Variants in TMBIM1 observed in about 807,000 individuals in gnomAD.
TMBIM1 encodes the protein transmembrane BAX inhibitor motif containing 1.
Under a neutral mutation model 45.1 loss-of-function variants are expected in TMBIM1, and 34 were observed. The ratio of observed to expected loss-of-function variants is 0.75; its 90% CI spans 0.57 to 1.00. The LOEUF (loss-of-function observed/expected upper bound fraction) is 1.00, where lower values mean the gene tolerates loss of function less well. TMBIM1 is among the 50% of genes least tolerant of loss of function. The pLI, the probability that TMBIM1 is intolerant of heterozygous loss-of-function variation, is 0.00. For synonymous variants in TMBIM1, 157 were observed against 153.5 expected (o/e 1.02, Z -0.17); for missense variants, 374 against 402.4 (o/e 0.93, Z 0.60).
At chr2:218,283,429 T>C (rs1037718975) in intron 1 of TMBIM1, among the ~76,000 whole-genome samples, 5 of 152,106 alleles carry the variant, frequency 3.3e-5, no homozygotes, top group African/African-American at 1.2e-4. Flanking sequence ...CCCTCTGAGG[T>C]AGCAGAGATG....
intron 1 of TMBIM1, among the ~76,000 whole-genome samples, chr2:218,290,709 T>G (rs1692877596): frequency 6.6e-6 from 1 of 152,236 alleles, no homozygotes; most frequent in South Asian, 2.1e-4. Context: ...AATATCTCCC[T>G]TCCCACCAAT....
rs1407147911 is a variant in TMBIM1 at position 218,274,527 on chromosome 2, GT to G, written c.*947del. 1.3e-5 allele frequency: 2 copies of G among 154,746 alleles called. No individual in the cohort carries two copies. Among genetic ancestry groups the G allele is most frequent in the African/African-American group, 4.8e-5 (2 of 41,626 alleles). The allele number at this position is 154,746 out of a possible 1,614,324, so 9.6% of individuals were successfully genotyped here. On this transcript the variant is annotated 3_prime_UTR_variant, in exon 12 of 12. Coordinates refer to ENST00000258412, the MANE Select transcript of TMBIM1 (RefSeq NM_022152.6). The stretch of plus-strand genomic sequence containing the variant: ...GAACCCAGAAGTCTTCAGTACCACA[GT>G]AGGCTTCGGTATCTCCCTAGCCAGG...
intron 4 of TMBIM1, 92 bp downstream of exon 4, chr2:218,279,197 C>T (rs1359606383): frequency 6.4e-7 from 1 of 1,571,348 alleles, no homozygotes; most frequent in Non-Finnish European, 8.7e-7. Context: ...CATGGTCACC[C>T]TGAGAGCAGG....
At chr2:218,284,417 C>G (rs985899949) in intron 1 of TMBIM1, among the ~76,000 whole-genome samples, 1 of 152,228 alleles carries the variant, frequency 6.6e-6, no homozygotes, top group African/African-American at 2.4e-5. Context: ...GCAGGGCAAA[C>G]AGCTAACTTT....
At chr2:218,281,877 G>A (rs959887822) in intron 2 of TMBIM1, 63 bp downstream of exon 2, 3 of 1,294,872 alleles carry the variant, frequency 2.3e-6, no homozygotes, top group African/African-American at 3.0e-5. Flanking sequence ...AGGAGGCGGT[G>A]GCCTCATCTG....
intron 1 of TMBIM1, among the ~76,000 whole-genome samples, chr2:218,291,017 T>A (rs962735641): frequency 6.6e-6 from 1 of 152,204 alleles, no homozygotes; most frequent in African/African-American, 2.4e-5. Flanking sequence ...CTGCTTTTTC[T>A]GAAAGGCCCA....
rs1175791411 is a variant in TMBIM1, at chr2:218,277,681, G to A, written c.514-11C>T. On this transcript the variant is annotated splice_polypyrimidine_tract_variant and intron_variant, in intron 7 of 11. Transcript: ENST00000258412. Reference sequence around the variant, plus strand: ...GCCCATGGCAAAAGTCTAAGGGAAGGAGAGAGACAAGAATGAAACACTTAA... The same window carrying A: ...GCCCATGGCAAAAGTCTAAGGGAAGAAGAGAGACAAGAATGAAACACTTAA... 6.8e-6 allele frequency: 11 copies of A among 1,614,150 alleles called. No individual in the cohort carries two copies. Among genetic ancestry groups the A allele is most frequent in the Non-Finnish European group, 9.3e-6 (11 of 1,180,008 alleles).
intron 5 of TMBIM1, among the ~76,000 whole-genome samples, 157 bp downstream of exon 5, chr2:218,278,881 G>C: frequency 6.6e-6 from 1 of 152,168 alleles, no homozygotes; most frequent in East Asian, 1.9e-4. Context: ...TACTCATCTG[G>C]GCACGCACAC....
chr2:218,282,922 G>T (rs142238766), intron 1 of TMBIM1, among the ~76,000 whole-genome samples: 1 of 152,176 alleles, frequency 6.6e-6, no homozygotes, highest in Non-Finnish European at 1.5e-5. Flanking sequence ...AAAGGCATGC[G>T]GCAGCCTGCG....
At chr2:218,290,055 G>C (rs1001299952) in intron 1 of TMBIM1, 5 of 152,198 alleles carry the variant, frequency 3.3e-5, no homozygotes, top group Admixed American at 2.6e-4. Flanking sequence ...GGGGAAAGGA[G>C]TAGGGACTTG....
At position 218,281,648 on chromosome 2, in the gene TMBIM1, A is replaced by G. The variant is rs575335877; in HGVS notation, c.202+292T>C. On this transcript the variant is annotated intron_variant, in intron 2 of 11. Transcript: ENST00000258412. ...GGAAACAGAGCTGGTGCCCTGAGGT[A>G]ACCCCTCAGGAGTCATTACTTGGCC... Among the ~76,000 whole-genome samples, 5 of 152,274 alleles carry G rather than the reference A, an allele frequency of 3.3e-5. No homozygotes were observed. The South Asian group carries it at 8.3e-4, about 25-fold the overall frequency.
chr2:218,283,674 C>T (rs1447305357), intron 1 of TMBIM1, among the ~76,000 whole-genome samples: 3 of 152,098 alleles, frequency 2.0e-5, no homozygotes, highest in Admixed American at 2.0e-4. Flanking sequence ...TTGCATAGTT[C>T]GGGGATCAAA....
At chr2:218,278,671 G>A in intron 5 of TMBIM1, 106 bp from the exon 6 acceptor site, 4 of 1,264,058 alleles carry the variant, frequency 3.2e-6, no homozygotes, top group Admixed American at 1.8e-5. Flanking sequence ...GGAAGTCTGA[G>A]GGGAAGCAAC....
intron 1 of TMBIM1, among the ~76,000 whole-genome samples, chr2:218,290,457 G>A (rs761504381): frequency 2.0e-5 from 3 of 152,160 alleles, no homozygotes; most frequent in Non-Finnish European, 4.4e-5. Context: ...GCCCCTCAGA[G>A]CAGTCACATG....
chr2:218,289,919 T>C, intron 1 of TMBIM1: 1 of 152,130 alleles, frequency 6.6e-6, no homozygotes. Flanking sequence ...CTAAACAGTA[T>C]ATAACACTCT....
At chr2:218,277,336 G>A (rs756685316) in intron 9 of TMBIM1, 30 bp downstream of exon 9, 7 of 1,604,332 alleles carry the variant, frequency 4.4e-6, no homozygotes, top group Non-Finnish European at 6.0e-6. Context: ...GGGAGTCGGG[G>A]GGCCAGGGAA....
At chr2:218,280,341 G>A (rs78376547) in intron 2 of TMBIM1, 5 of 505,772 alleles carry the variant, frequency 9.9e-6, no homozygotes, top group Admixed American at 3.3e-5. Context: ...CGTTCCTCAC[G>A]TGCATCTGTG....
rs751644446 is a variant in TMBIM1, at chr2:218,281,947, C to G, written c.195G>C (p.Met65Ile). Reference protein sequence around the residue: ...QPMPPTHPMPMNYGPGHGYDG... With the variant: ...QPMPPTHPMPINYGPGHGYDG... ...TGCCCTTCCAGGACTCACCGTAGTT[C>G]ATGGGCATCGGGTGGGTGGGGGGCA... Residue 65 changes from methionine to isoleucine, a missense_variant, in exon 2 of 12, where the codon ATG (methionine) becomes ATC (isoleucine). By Grantham distance (10) the Met-to-Ile change is conservative (BLOSUM62 1). Coordinates refer to ENST00000258412, the MANE Select transcript of TMBIM1 (RefSeq NM_022152.6). 6 of 1,596,714 alleles carry G rather than the reference C, an allele frequency of 3.8e-6. No homozygotes were observed. The South Asian group carries it at 6.9e-5, about 18-fold the overall frequency.
intron 1 of TMBIM1, among the ~76,000 whole-genome samples, chr2:218,291,780 G>C (rs1376111919): frequency 6.6e-6 from 1 of 151,982 alleles, no homozygotes; most frequent in Non-Finnish European, 1.5e-5. Context: ...AAGAAGTCAC[G>C]AGGAGGATGT....
Sources: gnomAD v4.1 joint callset for allele counts (sites outside exome capture counted in the v4.1 genomes callset) on GRCh38, gnomAD v4.1.1 for gene constraint, MANE v1.5 for transcripts, NCBI Gene and HGNC (gene_info 2026-07-23, HGNC 2026-07-21) for gene names.